Variants in FAM72C observed in about 807,000 individuals in gnomAD.
FAM72C encodes the protein protein FAM72C.
A neutral mutation model predicts 5.2 loss-of-function variants in FAM72C; 1 was observed. The ratio of observed to expected loss-of-function variants is 0.19; its 90% CI spans 0.07 to 0.91. The LOEUF (loss-of-function observed/expected upper bound fraction) is 0.91, where lower values mean the gene tolerates loss of function less well. Ranked by LOEUF, FAM72C falls within the 40% of genes least tolerant of loss-of-function variation. The pLI is 0.66. For synonymous variants in FAM72C, 1 was observed against 21.8 expected (o/e 0.05, Z 2.66); for missense variants, 4 against 66.0 (o/e 0.06, Z 3.25).
Position 143,960,666 on chromosome 1 carries a change from A to T in FAM72C, c.356-4185T>A, listed in dbSNP as rs1220175636. ...AACCCGGGAGGCAGAGGCTGCCATG[A>T]GCCAAGATGACACCATTGCACATCA... On this transcript the variant is annotated intron_variant, in intron 3 of 3. Coordinates refer to ENST00000584486, the MANE Select transcript of FAM72C (RefSeq NM_001287385.2). Among the ~76,000 whole-genome samples, 4 of 127,838 alleles carry T rather than the reference A, an allele frequency of 3.1e-5. No homozygotes were observed. The East Asian group carries it at 9.4e-4, about 30-fold the overall frequency. The allele number at this position is 127,838 out of a possible 152,430, so 83.9% of individuals were successfully genotyped here.
chr1:143,965,602 A>G (rs1281435681), intron 2 of FAM72C, among the ~76,000 whole-genome samples: 2 of 77,100 alleles, frequency 2.6e-5, no homozygotes, highest in East Asian at 6.3e-4. Flanking sequence ...TACAGACAAA[A>G]TAAATTAAAT....
At chr1:143,967,064 G>A (rs1661793713) in intron 2 of FAM72C, among the ~76,000 whole-genome samples, 1 of 142,808 alleles carries the variant, frequency 7.0e-6, no homozygotes, top group African/African-American at 2.6e-5. Flanking sequence ...CCCAGGTGCG[G>A]TGGCTCACAC....
chr1:143,962,026 T>G (rs1349589561), intron 3 of FAM72C, among the ~76,000 whole-genome samples: 1 of 145,418 alleles, frequency 6.9e-6, no homozygotes, highest in African/African-American at 2.5e-5. Flanking sequence ...TTCTTTTTTT[T>G]TTTTTGAGAT....
chr1:143,959,968 C>G (rs1369493429), intron 3 of FAM72C, among the ~76,000 whole-genome samples: 3 of 139,194 alleles, frequency 2.2e-5, no homozygotes, highest in African/African-American at 8.2e-5. Flanking sequence ...CAGAGCAAGA[C>G]CCTGTCTCCA....
chr1:143,964,066 G>A (rs1350268591), intron 3 of FAM72C, among the ~76,000 whole-genome samples: 1 of 42,716 alleles, frequency 2.3e-5, no homozygotes, highest in South Asian at 1.1e-3. Context: ...TGATCCTCCC[G>A]CCTTGGACTA....
chr1:143,967,275 T>A (rs1354687626), intron 2 of FAM72C, among the ~76,000 whole-genome samples: 1 of 144,620 alleles, frequency 6.9e-6, no homozygotes, highest in Non-Finnish European at 1.5e-5. Flanking sequence ...CTCAGGAGTT[T>A]GAGAGCAGCC....
In FAM72C at chr1:143,960,799, A is replaced by G. The variant is rs1271047932; in HGVS notation, c.355+4056T>C. 1.7e-4 allele frequency among the ~76,000 whole-genome samples: 25 copies of G among 144,210 alleles called. 2 individuals are homozygous for G. Among genetic ancestry groups the G allele is most frequent in the Non-Finnish European group, 3.1e-5 (2 of 65,434 alleles). The allele number at this position is 144,210 out of a possible 152,430, so 94.6% of individuals were successfully genotyped here. A position where few individuals can be genotyped will look rare whatever the true frequency, so the allele number is the denominator to read the frequency against. On this transcript the variant is annotated intron_variant, in intron 3 of 3. Coordinates refer to ENST00000584486, the MANE Select transcript of FAM72C (RefSeq NM_001287385.2). ...AAGGAAAAAGAATTTTTTTTTTTTA[A>G]AAGAATTGGTAGTGTACTTTCTTAC...
chr1:143,971,185 CAA>C lies in FAM72C; in HGVS notation c.-46_-45del, dbSNP rs1457588483. On this transcript the variant is annotated 5_prime_UTR_variant, in exon 1 of 4. Coordinates refer to ENST00000584486, the MANE Select transcript of FAM72C (RefSeq NM_001287385.2). ...AGGTGTGGGATTTTGAAAAAGGAAA[CAA>C]GAGTAATGCTCCTACTATTTTGATT... 6 of 407,560 alleles carry C rather than the reference CAA, an allele frequency of 1.5e-5. No homozygotes were observed. Among genetic ancestry groups the C allele is most frequent in the South Asian group, 2.3e-5 (1 of 44,116 alleles). The allele number at this position is 407,560 out of a possible 1,614,324, so 25.2% of individuals were successfully genotyped here.
At chr1:143,967,031 G>A (rs1319507331) in intron 2 of FAM72C, among the ~76,000 whole-genome samples, 1 of 140,688 alleles carries the variant, frequency 7.1e-6, no homozygotes, top group African/African-American at 2.7e-5. Context: ...CCGTCTCAAA[G>A]CAAAACAAAA....
At chr1:143,962,035 A>G (rs1454728904) in intron 3 of FAM72C, among the ~76,000 whole-genome samples, 2 of 140,052 alleles carry the variant, frequency 1.4e-5, no homozygotes, top group African/African-American at 5.2e-5. Context: ...TTTTTTTGAG[A>G]TGGAGTTTCA....
intron 3 of FAM72C, among the ~76,000 whole-genome samples, chr1:143,960,765 C>G (rs1215270959): frequency 7.2e-6 from 1 of 139,544 alleles, no homozygotes; most frequent in Non-Finnish European, 1.6e-5. Flanking sequence ...TGCCTCAGCA[C>G]CTTAACACAA....
Position 143,960,891 on chromosome 1 carries a change from C to T in FAM72C, c.355+3964G>A, listed in dbSNP as rs1394499732. Among the ~76,000 whole-genome samples the T allele has an allele frequency of 7.4e-5, 9 of 121,806 alleles. 1 individual carries two copies. Among genetic ancestry groups the T allele is most frequent in the East Asian group, 7.2e-4 (3 of 4,144 alleles). The allele number at this position is 121,806 out of a possible 152,430, so 79.9% of individuals were successfully genotyped here. On this transcript the variant is annotated intron_variant, in intron 3 of 3. Coordinates refer to ENST00000584486, the MANE Select transcript of FAM72C (RefSeq NM_001287385.2). ...CTCTGTTGCCCAGGCTGGAGTGCAG[C>T]GGTGCCACCTCGGCTTACTGCAACC...
chr1:143,960,695 T>C (rs1661591547), intron 3 of FAM72C, among the ~76,000 whole-genome samples: 1 of 110,332 alleles, frequency 9.1e-6, no homozygotes. Context: ...CACATCAGCC[T>C]GGGAAACAAG....
rs2101683106 is a variant in FAM72C, at chr1:143,955,794, C to A, written c.*593G>T. On this transcript the variant is annotated 3_prime_UTR_variant, in exon 4 of 4. Coordinates refer to ENST00000584486, the MANE Select transcript of FAM72C (RefSeq NM_001287385.2). ...AACAGCGTATACTGATATTTTCTGA[C>A]AAACTCATTTATCTAACATCATGCT... 1 of 85,258 alleles carries A rather than the reference C, an allele frequency of 1.2e-5. No homozygotes were observed. The highest frequency in any genetic ancestry group is 3.8e-4 in the East Asian group (1 of 2,656). The allele number at this position is 85,258 out of a possible 1,614,324, so 5.3% of individuals were successfully genotyped here. A position where few individuals can be genotyped will look rare whatever the true frequency, so the allele number is the denominator to read the frequency against.
chr1:143,967,651 C>T (rs1430416872), intron 2 of FAM72C, among the ~76,000 whole-genome samples: 1 of 116,466 alleles, frequency 8.6e-6, no homozygotes, highest in African/African-American at 3.3e-5. Context: ...GAAGAGCTTG[C>T]CAATTTAAAT....
At chr1:143,967,353 C>T (rs1461307915) in intron 2 of FAM72C, among the ~76,000 whole-genome samples, 5 of 144,318 alleles carry the variant, frequency 3.5e-5, no homozygotes, top group African/African-American at 1.3e-4. Flanking sequence ...TGGTGCGTGC[C>T]TGTAGTCTCA....
At chr1:143,959,192 G>T (rs1315459830) in intron 3 of FAM72C, among the ~76,000 whole-genome samples, 2 of 138,056 alleles carry the variant, frequency 1.4e-5, no homozygotes, top group East Asian at 4.1e-4. Context: ...GCAAATGGAA[G>T]AATGCGGGGC....
Position 143,965,495 on chromosome 1 carries a change from C to T in FAM72C, c.231-516G>A, listed in dbSNP as rs1661749919. Among the ~76,000 whole-genome samples the T allele has an allele frequency of 1.9e-5, 2 of 105,980 alleles. 1 individual carries two copies. Among genetic ancestry groups the T allele is most frequent in the Non-Finnish European group, 3.9e-5 (2 of 50,710 alleles). The allele number at this position is 105,980 out of a possible 152,430, so 69.5% of individuals were successfully genotyped here. A position where few individuals can be genotyped will look rare whatever the true frequency, so the allele number is the denominator to read the frequency against. ...ACAGGCATGAGCCACCATGCTTGTC[C>T]TGCTAGTATTATTTTATGCATTCTC... On this transcript the variant is annotated intron_variant, in intron 2 of 3. Transcript: ENST00000584486.
chr1:143,966,010 C>A (rs1247781841), intron 2 of FAM72C, among the ~76,000 whole-genome samples: 4 of 95,420 alleles, frequency 4.2e-5, no homozygotes, highest in African/African-American at 1.4e-4. Context: ...ACTGTTTATA[C>A]CTTGAGTTGT....
Sources: allele counts gnomAD v4.1 joint callset (sites outside exome capture counted in the v4.1 genomes callset), GRCh38; gene constraint gnomAD v4.1.1; transcripts MANE v1.5; gene names NCBI Gene and HGNC (gene_info 2026-07-23, HGNC 2026-07-21).